Variants in STXBP6 observed in about 807,000 individuals in gnomAD.
STXBP6 encodes the protein syntaxin binding protein 6, also known as syntaxin-binding protein 6.
Under a neutral mutation model 26.9 loss-of-function variants are expected in STXBP6, and 21 were observed. That is an observed-to-expected ratio of 0.78 (90% confidence interval 0.55 to 1.12). The LOEUF (loss-of-function observed/expected upper bound fraction) is 1.12, where lower values mean the gene tolerates loss of function less well. Ranked by LOEUF, STXBP6 falls within the 50% of genes most tolerant of loss-of-function variation. STXBP6 has a pLI of 0.00. For missense variants in STXBP6, 232 were observed against 257.9 expected, an observed-to-expected ratio of 0.90 and a Z score of 0.69; for synonymous variants, 97 against 92.6, an observed-to-expected ratio of 1.05 and a Z score of -0.27.
intron 4 of STXBP6, among the ~76,000 whole-genome samples, chr14:24,847,763 T>C (rs1217817970): frequency 6.6e-6 from 1 of 152,100 alleles, no homozygotes; most frequent in African/African-American, 2.4e-5. Flanking sequence ...TTAGAAAACA[T>C]GTTTTAGGTT....
At chr14:24,973,507 G>A (rs764424692) in intron 2 of STXBP6, among the ~76,000 whole-genome samples, 12 of 148,028 alleles carry the variant, frequency 8.1e-5, no homozygotes, top group African/African-American at 2.0e-4. Flanking sequence ...TGTCTCAGCC[G>A]CCTGAGTAGC....
chr14:25,006,988 TC>T (rs1419859635), intron 1 of STXBP6, among the ~76,000 whole-genome samples: 2 of 152,160 alleles, frequency 1.3e-5, no homozygotes, highest in Non-Finnish European at 2.9e-5. Flanking sequence ...CATACCAGCC[TC>T]CCAAAGCAGC....
intron 2 of STXBP6, among the ~76,000 whole-genome samples, chr14:24,960,140 T>G (rs2073481602): frequency 6.6e-6 from 1 of 152,244 alleles, no homozygotes; most frequent in Admixed American, 6.5e-5. Flanking sequence ...CAGCTGAATC[T>G]GTATCCCATA....
intron 4 of STXBP6, among the ~76,000 whole-genome samples, chr14:24,825,767 T>C (rs796898661): frequency 8.5e-5 from 13 of 152,340 alleles, no homozygotes; most frequent in African/African-American, 2.2e-4. Context: ...AATCTTCTCA[T>C]TGACAAGGAT....
chr14:24,984,360 T>C (rs576285416), intron 1 of STXBP6, among the ~76,000 whole-genome samples: 2 of 152,374 alleles, frequency 1.3e-5, no homozygotes, highest in Non-Finnish European at 2.9e-5. Flanking sequence ...TTTTCTGTAA[T>C]TGATATATCA....
intron 2 of STXBP6, among the ~76,000 whole-genome samples, chr14:24,921,450 A>G (rs963728794): frequency 4.6e-5 from 7 of 152,120 alleles, no homozygotes; most frequent in African/African-American, 1.7e-4. Context: ...ACATACCAAA[A>G]AGCACTGGCT....
chr14:25,014,782 A>G (rs1408019730), intron 1 of STXBP6, among the ~76,000 whole-genome samples: 3 of 152,280 alleles, frequency 2.0e-5, no homozygotes, highest in Non-Finnish European at 4.4e-5. Context: ...AAAGATAAAC[A>G]AAAACTCTAC....
intron 5 of STXBP6, 78 bp from the exon 6 acceptor site, chr14:24,812,810 C>T: frequency 7.3e-7 from 1 of 1,364,372 alleles, no homozygotes; most frequent in Non-Finnish European, 1.0e-6. Flanking sequence ...GCTGCTCCCT[C>T]TCCACCTCCA....
chr14:24,908,453 T>C (rs933600178), intron 2 of STXBP6, among the ~76,000 whole-genome samples: 1 of 152,212 alleles, frequency 6.6e-6, no homozygotes, highest in African/African-American at 2.4e-5. Flanking sequence ...CTGCCTCCCA[T>C]GTACTACAAT....
chr14:24,870,195 A>G (rs552978655), intron 2 of STXBP6, among the ~76,000 whole-genome samples: 24 of 152,294 alleles, frequency 1.6e-4, no homozygotes, highest in African/African-American at 5.5e-4. Context: ...AATTTGAGGC[A>G]GAAATCATCA....
At chr14:24,899,729 C>T (rs992994281) in intron 2 of STXBP6, among the ~76,000 whole-genome samples, 8 of 129,032 alleles carry the variant, frequency 6.2e-5, no homozygotes, top group East Asian at 2.3e-4. Flanking sequence ...TGCAGTGAGC[C>T]GAGATCGTGC....
intron 2 of STXBP6, among the ~76,000 whole-genome samples, chr14:24,874,428 G>A (rs1381541307): frequency 3.9e-5 from 6 of 151,986 alleles, no homozygotes; most frequent in African/African-American, 1.2e-4. Flanking sequence ...AAAGCCCCTT[G>A]CCCTAGTTCC....
intron 1 of STXBP6, among the ~76,000 whole-genome samples, chr14:25,016,352 T>G (rs191722149): frequency 3.3e-5 from 5 of 152,304 alleles, no homozygotes; most frequent in African/African-American, 1.2e-4. Context: ...TGGAGTTAGC[T>G]TCCTCTTTAC....
chr14:25,039,513 C>T (rs928042598), intron 1 of STXBP6, among the ~76,000 whole-genome samples: 1 of 152,138 alleles, frequency 6.6e-6, no homozygotes, highest in African/African-American at 2.4e-5. Flanking sequence ...TATCTTATGT[C>T]TCTCTCTGGG....
At chr14:24,962,247 G>T (rs1290114935) in intron 2 of STXBP6, among the ~76,000 whole-genome samples, 1 of 151,250 alleles carries the variant, frequency 6.6e-6, no homozygotes, top group East Asian at 1.9e-4. Flanking sequence ...AATATTATAG[G>T]GATTTTTAAC....
chr14:25,040,671 G>A (rs1389231576), intron 1 of STXBP6, among the ~76,000 whole-genome samples: 1 of 152,134 alleles, frequency 6.6e-6, no homozygotes, highest in East Asian at 1.9e-4. Flanking sequence ...TAGTGAAGGG[G>A]AATCACAGAA....
At chr14:24,874,461 A>G (rs2070059825) in intron 2 of STXBP6, among the ~76,000 whole-genome samples, 1 of 152,088 alleles carries the variant, frequency 6.6e-6, no homozygotes. Context: ...AGACTTTATT[A>G]TGCTATAGGG....
chr14:24,928,073 G>A (rs1272494099), intron 2 of STXBP6, among the ~76,000 whole-genome samples: 1 of 152,064 alleles, frequency 6.6e-6, no homozygotes, highest in African/African-American at 2.4e-5. Context: ...ACTGCAAAAC[G>A]GTCCTTCGGA....
chr14:24,865,424 T>C (rs1229606790), intron 2 of STXBP6, among the ~76,000 whole-genome samples: 1 of 152,092 alleles, frequency 6.6e-6, no homozygotes, highest in Non-Finnish European at 1.5e-5. Context: ...AACCCAGGGA[T>C]ACCAAGATGG....
Sources: allele counts gnomAD v4.1 joint callset (sites outside exome capture counted in the v4.1 genomes callset), GRCh38; gene constraint gnomAD v4.1.1; transcripts MANE v1.5; gene names NCBI Gene and HGNC (gene_info 2026-07-23, HGNC 2026-07-21).